The following ANO2 variants were observed in gnomAD, a reference collection of about 807,000 sequenced individuals.
The protein encoded by ANO2 is anoctamin 2, also known as anoctamin-2.
Under a neutral mutation model 124.2 loss-of-function variants are expected in ANO2, and 101 were observed. The ratio of observed to expected loss-of-function variants is 0.81; its 90% CI spans 0.69 to 0.96. The LOEUF (loss-of-function observed/expected upper bound fraction) is 0.96. ANO2 is among the 40% of genes least tolerant of loss of function. ANO2 has a pLI of 0.00. For synonymous variants in ANO2, 486 were observed against 482.5 expected (o/e 1.01, Z -0.09); for missense variants, 1,293 against 1,274.5 (o/e 1.01, Z -0.22).
chr12:5,653,096 G>A (rs1180662535), intron 14 of ANO2, among the ~76,000 whole-genome samples: 1 of 152,184 alleles, frequency 6.6e-6, no homozygotes, highest in Non-Finnish European at 1.5e-5. Context: ...AGAGAATGAA[G>A]ACGATAAATG....
At chr12:5,860,462 C>T (rs560041467) in intron 3 of ANO2, among the ~76,000 whole-genome samples, 1 of 152,300 alleles carries the variant, frequency 6.6e-6, no homozygotes, top group East Asian at 1.9e-4. Flanking sequence ...ATAGTAAGTG[C>T]TCAGTAAATA....
Position 5,607,299 on chromosome 12 carries a change from T to C in ANO2, c.2087+5357A>G, listed in dbSNP as rs150340746. 5.1e-4 allele frequency among the ~76,000 whole-genome samples: 77 copies of C among 152,320 alleles called. 2 individuals carry two copies. The East Asian group carries it at 0.014, about 27-fold the overall frequency. On this transcript the variant is annotated intron_variant, in intron 19 of 24. Transcript: ENST00000682330. ...CAAAAGCCTATGCCACACAGTAAAA[T>C]GTTGGCCACCTGGAAACCCCAAGAA...
chr12:5,852,429 T>C (rs144342999), intron 4 of ANO2, among the ~76,000 whole-genome samples: 213 of 152,340 alleles, frequency 1.4e-3, no homozygotes, highest in African/African-American at 4.9e-3. Context: ...AATATTAATG[T>C]TTGTGTTTGT....
chr12:5,563,235 A>C lies in ANO2; in HGVS notation c.*64T>G. The C allele has an allele frequency of 1.3e-6, 2 of 1,523,562 alleles. No individual in the cohort carries two copies. Among genetic ancestry groups the C allele is most frequent in the South Asian group, 2.5e-5 (2 of 80,770 alleles). 94.4% of individuals were successfully genotyped at this position (1,523,562 alleles called of 1,614,324 possible). A position where few individuals can be genotyped will look rare whatever the true frequency, so the allele number is the denominator to read the frequency against. On this transcript the variant is annotated 3_prime_UTR_variant, in exon 25 of 25. Transcript: ENST00000682330. ...AGACAGCACGCCATGTGGGTGTAGG[A>C]ACATGCTTACGTGCATGTGCGTGTC...
chr12:5,692,231 A>C (rs527879376), intron 14 of ANO2, among the ~76,000 whole-genome samples: 22 of 152,272 alleles, frequency 1.4e-4, no homozygotes, highest in Non-Finnish European at 2.5e-4. Flanking sequence ...AGATTTTAGT[A>C]GTAGAGTTAA....
intron 4 of ANO2, among the ~76,000 whole-genome samples, chr12:5,848,676 C>T (rs570448004): frequency 7.3e-4 from 111 of 152,296 alleles, no homozygotes; most frequent in African/African-American, 2.6e-3. Context: ...CCCCAAGGAC[C>T]CGCGCTCTAG....
intron 1 of ANO2, among the ~76,000 whole-genome samples, chr12:5,923,247 T>TACACACACGCAC (rs1941904369): frequency 2.3e-5 from 1 of 42,862 alleles, no homozygotes; most frequent in African/African-American, 9.6e-5. Flanking sequence ...CACACACGCA[T>TACACACACGCAC]ACACACACAT....
chr12:5,722,320 C>T (rs1950263079), intron 14 of ANO2, among the ~76,000 whole-genome samples: 1 of 152,116 alleles, frequency 6.6e-6, no homozygotes, highest in East Asian at 1.9e-4. Context: ...TCCTGGCTAA[C>T]ACGGTGAAAC....
chr12:5,733,639 C>T lies in ANO2; in HGVS notation c.1435-1009G>A, dbSNP rs112241537. Reference sequence around the variant, plus strand: ...GGCCAGGCTTTTGACCTGTCTCTGGCTTTCCCAAGACACGCCATGATGCAG... The same window carrying T: ...GGCCAGGCTTTTGACCTGTCTCTGGTTTTCCCAAGACACGCCATGATGCAG... On this transcript the variant is annotated intron_variant, in intron 13 of 24. Transcript: ENST00000682330. 7.8e-3 allele frequency among the ~76,000 whole-genome samples: 1,186 copies of T among 152,312 alleles called. 25 individuals are homozygous for T. The highest frequency in any genetic ancestry group is 0.027 in the African/African-American group (1,124 of 41,554).
intron 3 of ANO2, among the ~76,000 whole-genome samples, chr12:5,879,509 TC>T (rs1360068095): frequency 5.3e-5 from 8 of 152,176 alleles, no homozygotes; most frequent in African/African-American, 1.9e-4. Context: ...AAGACACTAT[TC>T]TCATTGTCAA....
At chr12:5,927,494 C>A (rs1942135655) in intron 1 of ANO2, among the ~76,000 whole-genome samples, 1 of 152,180 alleles carries the variant, frequency 6.6e-6, no homozygotes, top group Admixed American at 6.5e-5. Context: ...CCAAACCAGT[C>A]CTTCCGAAAT....
chr12:5,941,854 C>T (rs1942906300), intron 1 of ANO2, among the ~76,000 whole-genome samples: 1 of 152,038 alleles, frequency 6.6e-6, no homozygotes, highest in African/African-American at 2.4e-5. Flanking sequence ...AGAGTGATAC[C>T]CAGAGGGCTG....
At chr12:5,831,123 T>C (rs1954137023) in intron 5 of ANO2, among the ~76,000 whole-genome samples, 1 of 152,218 alleles carries the variant, frequency 6.6e-6, no homozygotes, top group African/African-American at 2.4e-5. Context: ...ATGTTTGTCA[T>C]GCTGAGGAAG....
chr12:5,709,314 T>C (rs1257791689), intron 14 of ANO2, among the ~76,000 whole-genome samples: 1 of 152,246 alleles, frequency 6.6e-6, no homozygotes, highest in Non-Finnish European at 1.5e-5. Context: ...CCAGCCTTTC[T>C]TCCTGTTAGG....
At chr12:5,582,159 G>A (rs1394705028) in intron 20 of ANO2, among the ~76,000 whole-genome samples, 2 of 152,190 alleles carry the variant, frequency 1.3e-5, no homozygotes, top group African/African-American at 2.4e-5. Context: ...TCCTCCGTGC[G>A]CTGCATAATA....
At position 5,760,731 on chromosome 12, in the gene ANO2, C is replaced by T. The variant is rs1951715134; in HGVS notation, c.1056-9761G>A. 2.0e-5 allele frequency among the ~76,000 whole-genome samples: 3 copies of T among 152,074 alleles called. No homozygotes were observed. In the South Asian group the frequency reaches 6.2e-4, roughly 32 times the overall value. ...TGGATATCTGGACCCCTAGCTTAAA[C>T]TTAACCCTCTCCTCAAAATCTGGTC... On this transcript the variant is annotated intron_variant, in intron 10 of 24. Transcript: ENST00000682330.
intron 3 of ANO2, among the ~76,000 whole-genome samples, chr12:5,869,673 G>A (rs551660027): frequency 5.9e-5 from 9 of 152,190 alleles, no homozygotes; most frequent in South Asian, 2.1e-4. Flanking sequence ...CTGAGGGGCC[G>A]GGGGAAAGAA....
chr12:5,572,276 C>T (rs558626549), intron 23 of ANO2, among the ~76,000 whole-genome samples: 4 of 152,248 alleles, frequency 2.6e-5, no homozygotes, highest in South Asian at 2.1e-4. Flanking sequence ...AGTGTTCTCT[C>T]GGAACCTCCA....
At chr12:5,762,451 G>A (rs1261667715) in intron 10 of ANO2, among the ~76,000 whole-genome samples, 1 of 151,910 alleles carries the variant, frequency 6.6e-6, no homozygotes, top group African/African-American at 2.4e-5. Flanking sequence ...GTTACTAAGA[G>A]TTAAAATTTC....
Sources: gnomAD v4.1 joint callset for allele counts (sites outside exome capture counted in the v4.1 genomes callset) on GRCh38, gnomAD v4.1.1 for gene constraint, MANE v1.5 for transcripts, NCBI Gene and HGNC (gene_info 2026-07-23, HGNC 2026-07-21) for gene names.